The following MAPK10 variants were observed in gnomAD, a reference collection of about 807,000 sequenced individuals.
MAPK10 encodes mitogen-activated protein kinase 10.
In MAPK10, 25 loss-of-function variants were observed where a neutral mutation model predicts 59.3. The observed-to-expected ratio is 0.42, with a 90% CI of 0.31 to 0.59. MAPK10 has a LOEUF of 0.59. MAPK10 is among the 20% of genes least tolerant of loss of function. The pLI is 0.15. For missense variants in MAPK10, 351 were observed against 568.9 expected, an observed-to-expected ratio of 0.62 and a Z score of 3.90; for synonymous variants, 190 against 200.5, an observed-to-expected ratio of 0.95 and a Z score of 0.44.
chr4:86,551,302 T>A (rs1299597035), intron 1 of MAPK10, among the ~76,000 whole-genome samples: 3 of 152,216 alleles, frequency 2.0e-5, no homozygotes, highest in Admixed American at 2.0e-4. Context: ...AGTTTTAAAA[T>A]TTTGTTTTGC....
At chr4:86,158,848 GGTAACTCA>G (rs147418577) in intron 4 of MAPK10, among the ~76,000 whole-genome samples, 105 of 151,824 alleles carry the variant, frequency 6.9e-4, no homozygotes, top group African/African-American at 2.5e-3. Context: ...TTTCTAAATC[GGTAACTCA>G]GTTTCAAACA....
chr4:86,390,085 T>C (rs1383916414), intron 1 of MAPK10, among the ~76,000 whole-genome samples: 1 of 152,230 alleles, frequency 6.6e-6, no homozygotes, highest in Non-Finnish European at 1.5e-5. Context: ...CCTCTTTCCT[T>C]TTCTTTTCCA....
chr4:86,171,446 T>C (rs1359040622), intron 3 of MAPK10, among the ~76,000 whole-genome samples: 2 of 152,044 alleles, frequency 1.3e-5, no homozygotes, highest in East Asian at 3.9e-4. Context: ...ATCTGATCTT[T>C]GACAAACCTG....
intron 2 of MAPK10, among the ~76,000 whole-genome samples, chr4:86,270,977 A>G (rs1407573543): frequency 6.6e-6 from 1 of 152,092 alleles, no homozygotes; most frequent in Non-Finnish European, 1.5e-5. Context: ...TGCTATAAAC[A>G]TTTACATACA....
At chr4:86,383,176 T>C (rs1740996379) in intron 1 of MAPK10, among the ~76,000 whole-genome samples, 1 of 152,250 alleles carries the variant, frequency 6.6e-6, no homozygotes, top group African/African-American at 2.4e-5. Context: ...TTTATTTCCC[T>C]TCCCTTTGGT....
intron 4 of MAPK10, among the ~76,000 whole-genome samples, chr4:86,115,711 T>G (rs929145704): frequency 1.3e-5 from 2 of 152,222 alleles, no homozygotes; most frequent in African/African-American, 4.8e-5. Flanking sequence ...TCCGCCCATC[T>G]TGGCCTCCCA....
intron 2 of MAPK10, among the ~76,000 whole-genome samples, chr4:86,231,623 A>C (rs2091556456): frequency 6.6e-6 from 1 of 152,114 alleles, no homozygotes; most frequent in African/African-American, 2.4e-5. Context: ...AGATTGCGCC[A>C]CTGCACTCCA....
At position 86,359,111 on chromosome 4, in the gene MAPK10, T is replaced by G. The variant is rs41279295; in HGVS notation, c.-122+547A>C. On this transcript the variant is annotated intron_variant, in intron 1 of 13. Transcript: ENST00000641462. ...TACTGTTCCTTAGTAAAATACATCT[T>G]AAAATATTTAAATTATACTTCTCAC... Among the ~76,000 whole-genome samples, 1,330 of 152,194 alleles carry G rather than the reference T, an allele frequency of 8.7e-3. 19 individuals are homozygous for G. The highest frequency in any genetic ancestry group is 0.012 in the Non-Finnish European group (813 of 68,004).
At chr4:86,524,612 G>A (rs999116666) in intron 1 of MAPK10, among the ~76,000 whole-genome samples, 11 of 152,062 alleles carry the variant, frequency 7.2e-5, no homozygotes, top group South Asian at 2.1e-4. Flanking sequence ...AGGGTTTCCC[G>A]TATATTTGTT....
chr4:86,185,672 G>C (rs550829669), intron 3 of MAPK10, among the ~76,000 whole-genome samples: 2 of 152,214 alleles, frequency 1.3e-5, no homozygotes, highest in South Asian at 4.1e-4. Flanking sequence ...TATCTTTCAG[G>C]GTGGTAGTGG....
At chr4:86,310,912 A>G (rs928293805) in intron 2 of MAPK10, among the ~76,000 whole-genome samples, 3 of 152,056 alleles carry the variant, frequency 2.0e-5, no homozygotes, top group African/African-American at 4.8e-5. Flanking sequence ...ACATTAGAAC[A>G]TTACTTTTAA....
intron 2 of MAPK10, among the ~76,000 whole-genome samples, chr4:86,349,765 C>A (rs940690313): frequency 6.6e-6 from 1 of 152,166 alleles, no homozygotes; most frequent in African/African-American, 2.4e-5. Flanking sequence ...ATCAGTGTGT[C>A]TGTCTGAGTA....
intron 9 of MAPK10, among the ~76,000 whole-genome samples, chr4:86,076,538 T>C (rs1047018172): frequency 4.6e-5 from 7 of 152,216 alleles, no homozygotes; most frequent in African/African-American, 7.2e-5. Flanking sequence ...AAATTTGGAA[T>C]TGATATGGTA....
At chr4:86,536,704 T>C (rs969118847) in intron 1 of MAPK10, among the ~76,000 whole-genome samples, 6 of 152,200 alleles carry the variant, frequency 3.9e-5, no homozygotes, top group African/African-American at 1.2e-4. Context: ...CAAAAAGCTA[T>C]TTACATGGAA....
intron 1 of MAPK10, among the ~76,000 whole-genome samples, chr4:86,585,976 A>C (rs949356737): frequency 6.6e-6 from 1 of 152,210 alleles, no homozygotes; most frequent in Non-Finnish European, 1.5e-5. Context: ...ACACTCTTTA[A>C]GACAGAAGAT....
chr4:86,593,750 C>A (rs1763294985), intron 1 of MAPK10: 1 of 152,086 alleles, frequency 6.6e-6, no homozygotes, highest in Non-Finnish European at 1.5e-5. Context: ...TTTTCGTTGA[C>A]CCCGCCATTT....
At chr4:86,223,906 T>C (rs1184347934) in intron 2 of MAPK10, among the ~76,000 whole-genome samples, 2 of 152,206 alleles carry the variant, frequency 1.3e-5, no homozygotes, top group South Asian at 4.1e-4. Context: ...TCTCATTATG[T>C]AAATAATGTG....
At position 86,127,175 on chromosome 4, in the gene MAPK10, A is replaced by G. The variant is rs2060203513; in HGVS notation, c.237-19823T>C. ...ATAACTAATAGAATTCACCTCATAAAGTTGTTAGGAGAATTAAGTTAGCTT... is the reference window on the plus strand; with the variant it reads ...ATAACTAATAGAATTCACCTCATAAGGTTGTTAGGAGAATTAAGTTAGCTT... On this transcript the variant is annotated intron_variant, in intron 4 of 13. Coordinates refer to ENST00000641462, the MANE Select transcript of MAPK10 (RefSeq NM_138982.4). Among the ~76,000 whole-genome samples the G allele has an allele frequency of 2.0e-5, 3 of 148,206 alleles. No individual in the cohort carries two copies. In the South Asian group the frequency reaches 6.5e-4, roughly 32 times the overall value.
intron 2 of MAPK10, chr4:86,300,980 T>G (rs956453040): frequency 2.0e-5 from 3 of 151,910 alleles, no homozygotes; most frequent in Non-Finnish European, 4.4e-5. Flanking sequence ...AGGGTGTGAT[T>G]CTGAAGGGTT....
Sources: allele counts gnomAD v4.1 joint callset (sites outside exome capture counted in the v4.1 genomes callset), GRCh38; gene constraint gnomAD v4.1.1; transcripts MANE v1.5; gene names NCBI Gene and HGNC (gene_info 2026-07-23, HGNC 2026-07-21).